THSD7B: variants seen among roughly 807,000 people sequenced by gnomAD.
THSD7B encodes thrombospondin type 1 domain containing 7B, also known as thrombospondin type-1 domain-containing protein 7B.
Under a neutral mutation model 213.6 loss-of-function variants are expected in THSD7B, and 138 were observed. The ratio of observed to expected loss-of-function variants is 0.65; its 90% CI spans 0.56 to 0.74. The LOEUF is 0.74. THSD7B is among the 30% of genes least tolerant of loss of function. The pLI is 0.00. For missense variants in THSD7B, 1,931 were observed against 1,991.5 expected, an observed-to-expected ratio of 0.97 and a Z score of 0.58; for synonymous variants, 742 against 687.0, an observed-to-expected ratio of 1.08 and a Z score of -1.25.
intron 2 of THSD7B, among the ~76,000 whole-genome samples, chr2:137,011,267 A>C (rs1686226383): frequency 6.6e-6 from 1 of 152,156 alleles, no homozygotes; most frequent in South Asian, 2.1e-4. Context: ...CTAAAGCTTT[A>C]TATTCCATTT....
chr2:136,898,130 A>G (rs1032392687), intron 2 of THSD7B, among the ~76,000 whole-genome samples: 1 of 152,238 alleles, frequency 6.6e-6, no homozygotes, highest in Non-Finnish European at 1.5e-5. Context: ...CACTCAACCC[A>G]GGAAATCTAG....
At chr2:137,283,540 A>G (rs1336684765) in intron 12 of THSD7B, among the ~76,000 whole-genome samples, 1 of 152,180 alleles carries the variant, frequency 6.6e-6, no homozygotes, top group African/African-American at 2.4e-5. Flanking sequence ...TGGGTTTGTC[A>G]TAGATAGCTC....
At chr2:136,947,017 T>A (rs144790672) in intron 2 of THSD7B, among the ~76,000 whole-genome samples, 11,238 of 152,194 alleles carry the variant, frequency 0.074, 660 homozygotes, top group African/African-American at 0.16. Context: ...CCCAGTGAGA[T>A]GAACCAGTTA....
At chr2:137,294,583 C>CAAAAAAAAAAAAAA (rs1210363889) in intron 12 of THSD7B, among the ~76,000 whole-genome samples, 11 of 73,222 alleles carry the variant, frequency 1.5e-4, no homozygotes, top group African/African-American at 4.9e-4. Context: ...AACTCCATCT[C>CAAAAAAAAAAAAAA]AAAAAAAAAA....
intron 2 of THSD7B, among the ~76,000 whole-genome samples, chr2:136,906,280 G>A (rs572391308): frequency 3.3e-4 from 50 of 152,192 alleles, no homozygotes; most frequent in African/African-American, 1.2e-3. Context: ...AATACCCAAA[G>A]CAAGTTCTGA....
chr2:137,373,537 A>T (rs1003365112), intron 12 of THSD7B, among the ~76,000 whole-genome samples: 3 of 151,906 alleles, frequency 2.0e-5, no homozygotes, highest in Non-Finnish European at 2.9e-5. Context: ...CCACTTGTTG[A>T]TGGGGTTGTT....
intron 15 of THSD7B, among the ~76,000 whole-genome samples, chr2:137,486,348 A>G (rs1221748484): frequency 6.7e-6 from 1 of 148,324 alleles, no homozygotes. Flanking sequence ...TTGCAATCCT[A>G]GTCTCTGATA....
intron 2 of THSD7B, among the ~76,000 whole-genome samples, chr2:136,895,680 A>G (rs1464911910): frequency 6.6e-6 from 1 of 151,998 alleles, no homozygotes; most frequent in African/African-American, 2.4e-5. Flanking sequence ...TTTTTAGTAC[A>G]TTTATTAAGT....
intron 2 of THSD7B, among the ~76,000 whole-genome samples, chr2:137,054,491 G>A (rs1687124041): frequency 6.6e-6 from 1 of 152,210 alleles, no homozygotes; most frequent in Admixed American, 6.5e-5. Flanking sequence ...TCATTTTAGT[G>A]TGTGGCCCCA....
At chr2:137,311,751 C>G (rs955530549) in intron 12 of THSD7B, among the ~76,000 whole-genome samples, 8 of 151,358 alleles carry the variant, frequency 5.3e-5, no homozygotes, top group Non-Finnish European at 1.2e-4. Flanking sequence ...TTTTCTGCAT[C>G]CATTGAGATA....
intron 25 of THSD7B, among the ~76,000 whole-genome samples, chr2:137,661,467 G>T (rs1300751345): frequency 6.6e-6 from 1 of 151,816 alleles, no homozygotes; most frequent in Non-Finnish European, 1.5e-5. Context: ...CTCCTTGAGT[G>T]CAGAAGTAAG....
intron 17 of THSD7B, among the ~76,000 whole-genome samples, chr2:137,576,492 T>C (rs1330979410): frequency 1.3e-5 from 2 of 152,118 alleles, no homozygotes; most frequent in South Asian, 2.1e-4. Flanking sequence ...CTTTGAATTA[T>C]CACCAGAACA....
At chr2:137,568,681 A>G (rs1248291577) in intron 16 of THSD7B, among the ~76,000 whole-genome samples, 3 of 152,180 alleles carry the variant, frequency 2.0e-5, no homozygotes, top group South Asian at 2.1e-4. Context: ...AAAAACTGCC[A>G]TTTATAAAAC....
intron 12 of THSD7B, among the ~76,000 whole-genome samples, chr2:137,343,239 G>T (rs1037204978): frequency 4.0e-5 from 6 of 151,424 alleles, no homozygotes. Context: ...GTAGGATTCA[G>T]CTGTGAAGAC....
intron 15 of THSD7B, among the ~76,000 whole-genome samples, chr2:137,491,920 AC>A (rs1220465368): frequency 1.3e-5 from 2 of 151,992 alleles, no homozygotes; most frequent in Non-Finnish European, 2.9e-5. Flanking sequence ...ATTTTATTAA[AC>A]CATCAGTGAT....
At chr2:137,103,086 C>T (rs752844757) in intron 4 of THSD7B, among the ~76,000 whole-genome samples, 39 of 152,198 alleles carry the variant, frequency 2.6e-4, no homozygotes, top group Admixed American at 8.5e-4. Context: ...ACAAAATCGT[C>T]GGATTCACCA....
chr2:137,056,712 C>G lies in THSD7B; in HGVS notation c.432C>G (p.Arg144=), dbSNP rs764091688. The G allele has an allele frequency of 8.1e-6, 13 of 1,613,838 alleles. No individual in the cohort carries two copies. In the African/African-American group the frequency reaches 1.7e-4, roughly 22 times the overall value. The change falls in exon 3 of 28, where the codon CGC becomes CGG. Residue 144 remains arginine, a synonymous_variant. Transcript: ENST00000409968. ...AQHGLQHRMV[R]CIQKLNRTVV... ...ATGGACTGCAGCACCGGATGGTGCG[C>G]TGCATTCAGAAGCTGAACCGAACTG...
At chr2:137,466,083 A>G (rs1267576878) in intron 15 of THSD7B, among the ~76,000 whole-genome samples, 1 of 152,160 alleles carries the variant, frequency 6.6e-6, no homozygotes, top group Non-Finnish European at 1.5e-5. Flanking sequence ...TGCAAGTATT[A>G]TGCAGGTGGG....
At chr2:137,305,906 C>T (rs570118124) in intron 12 of THSD7B, among the ~76,000 whole-genome samples, 1 of 152,256 alleles carries the variant, frequency 6.6e-6, no homozygotes, top group South Asian at 2.1e-4. Context: ...ACCTGTACTG[C>T]ATGTTACTGT....
Sources: gnomAD v4.1 joint callset for allele counts (sites outside exome capture counted in the v4.1 genomes callset) on GRCh38, gnomAD v4.1.1 for gene constraint, MANE v1.5 for transcripts, NCBI Gene and HGNC (gene_info 2026-07-23, HGNC 2026-07-21) for gene names.